The following DNM3 variants were observed in gnomAD, a reference collection of about 807,000 sequenced individuals.
DNM3 encodes dynamin 3.
Under a neutral mutation model 101.6 loss-of-function variants are expected in DNM3, and 47 were observed. The observed-to-expected ratio is 0.46, with a 90% CI of 0.37 to 0.59. DNM3 has a LOEUF of 0.59. DNM3 is among the 20% of genes least tolerant of loss of function. DNM3 has a pLI of 0.00. For missense variants in DNM3, 849 were observed against 1,085.7 expected (o/e 0.78, Z 3.06); for synonymous variants, 385 against 387.9 (o/e 0.99, Z 0.09).
At chr1:172,358,876 AAC>A (rs2067587083) in intron 17 of DNM3, among the ~76,000 whole-genome samples, 1 of 129,896 alleles carries the variant, frequency 7.7e-6, no homozygotes, top group East Asian at 2.3e-4. Flanking sequence ...TCCTGATTCT[AAC>A]ACACTGTGGA....
At chr1:172,329,337 A>T (rs2148929358) in intron 17 of DNM3, among the ~76,000 whole-genome samples, 1 of 152,296 alleles carries the variant, frequency 6.6e-6, no homozygotes, top group Non-Finnish European at 1.5e-5. Flanking sequence ...AAACCTATCT[A>T]TTTACAAGTG....
chr1:171,971,592 C>G (rs886095741), intron 2 of DNM3, among the ~76,000 whole-genome samples: 1 of 151,842 alleles, frequency 6.6e-6, no homozygotes, highest in Non-Finnish European at 1.5e-5. Context: ...AACGCCACTC[C>G]CAATTGAAAG....
intron 13 of DNM3, among the ~76,000 whole-genome samples, chr1:172,110,570 C>CAG (rs974916701): frequency 2.0e-5 from 3 of 152,164 alleles, no homozygotes; most frequent in Non-Finnish European, 4.4e-5. Flanking sequence ...AATAATGACT[C>CAG]AAACTGTGAC....
At chr1:172,281,761 A>T (rs566891721) in intron 15 of DNM3, among the ~76,000 whole-genome samples, 1 of 152,220 alleles carries the variant, frequency 6.6e-6, no homozygotes, top group East Asian at 1.9e-4. Flanking sequence ...TGGCAGTATT[A>T]TACTTGTTTC....
intron 4 of DNM3, among the ~76,000 whole-genome samples, chr1:172,023,362 G>A (rs376247986): frequency 3.3e-5 from 5 of 152,112 alleles, no homozygotes; most frequent in African/African-American, 1.2e-4. Context: ...GTGAAAGGGA[G>A]GTAAAATATT....
chr1:172,036,598 A>C (rs905632449), intron 6 of DNM3, among the ~76,000 whole-genome samples: 1 of 152,176 alleles, frequency 6.6e-6, no homozygotes, highest in African/African-American at 2.4e-5. Flanking sequence ...CCATAGGTAG[A>C]AAGCTGAAAC....
chr1:172,290,399 G>A (rs551304002), intron 15 of DNM3, among the ~76,000 whole-genome samples: 39 of 152,230 alleles, frequency 2.6e-4, no homozygotes, highest in African/African-American at 8.2e-4. Flanking sequence ...AAGGATTGGC[G>A]CCTGCAAAAT....
intron 14 of DNM3, among the ~76,000 whole-genome samples, chr1:172,134,880 T>C (rs2057130938): frequency 6.6e-6 from 1 of 152,082 alleles, no homozygotes. Flanking sequence ...AAGTCCAGTG[T>C]GACTGGAGCA....
chr1:172,158,433 G>A (rs894540397), intron 14 of DNM3, among the ~76,000 whole-genome samples: 1 of 152,022 alleles, frequency 6.6e-6, no homozygotes, highest in African/African-American at 2.4e-5. Context: ...CTGCTAGTGG[G>A]AAGAACATGA....
chr1:172,088,490 AG>A (rs1329563484), intron 12 of DNM3, among the ~76,000 whole-genome samples: 2 of 152,106 alleles, frequency 1.3e-5, no homozygotes, highest in Admixed American at 1.3e-4. Flanking sequence ...TGCTGCCTTC[AG>A]AGTAACAGCC....
chr1:172,113,133 ATT>A (rs1398454943), intron 13 of DNM3, among the ~76,000 whole-genome samples: 2 of 152,228 alleles, frequency 1.3e-5, no homozygotes, highest in East Asian at 3.8e-4. Context: ...TTAGTGAAAG[ATT>A]TGTCTTGATG....
intron 1 of DNM3, among the ~76,000 whole-genome samples, chr1:171,903,200 G>A (rs2038530162): frequency 6.6e-6 from 1 of 151,964 alleles, no homozygotes; most frequent in African/African-American, 2.4e-5. Flanking sequence ...GGTTTAATTA[G>A]GGGTGAAAAT....
intron 14 of DNM3, among the ~76,000 whole-genome samples, chr1:172,177,139 G>A (rs533800436): frequency 1.3e-5 from 2 of 151,792 alleles, no homozygotes; most frequent in South Asian, 2.1e-4. Flanking sequence ...TTTCCAGTAA[G>A]AGCCAGTTTT....
chr1:172,310,110 T>C (rs767433213), intron 16 of DNM3: 1 of 152,228 alleles, frequency 6.6e-6, no homozygotes, highest in Non-Finnish European at 1.5e-5. Flanking sequence ...GTTATATGCG[T>C]AGATATTTGC....
intron 14 of DNM3, among the ~76,000 whole-genome samples, chr1:172,196,380 G>A (rs1013838130): frequency 6.6e-6 from 1 of 151,978 alleles, no homozygotes; most frequent in Non-Finnish European, 1.5e-5. Flanking sequence ...GAGTGCATGT[G>A]TCTTTATGGT....
At chr1:172,352,092 T>C (rs1390834102) in intron 17 of DNM3, among the ~76,000 whole-genome samples, 1 of 152,210 alleles carries the variant, frequency 6.6e-6, no homozygotes, top group East Asian at 1.9e-4. Flanking sequence ...GCTGTGTGTG[T>C]AATACTGGAC....
At position 172,262,982 on chromosome 1, in the gene DNM3, G is replaced by A. The variant is rs55812305; in HGVS notation, c.1769+9300G>A. ...AGAAAAGATGTATTTCCTCTTTTGC[G>A]GGGAGGAGGCAATTGATAATTCTTT... On this transcript the variant is annotated intron_variant, in intron 15 of 20. Transcript: ENST00000627582. Among the ~76,000 whole-genome samples the A allele has an allele frequency of 6.3e-3, 956 of 152,260 alleles. 11 individuals carry two copies. Among genetic ancestry groups the A allele is most frequent in the African/African-American group, 0.022 (915 of 41,550 alleles).
At chr1:171,893,661 C>A (rs569741474) in intron 1 of DNM3, among the ~76,000 whole-genome samples, 2 of 152,202 alleles carry the variant, frequency 1.3e-5, no homozygotes, top group African/African-American at 4.8e-5. Context: ...CATTATATCA[C>A]CCAGGTTGGT....
chr1:172,096,798 A>G (rs1160240155), intron 13 of DNM3, among the ~76,000 whole-genome samples: 1 of 152,218 alleles, frequency 6.6e-6, no homozygotes, highest in African/African-American at 2.4e-5. Context: ...AGGATTTCCA[A>G]TAGGGAAGGG....
Sources: allele counts gnomAD v4.1 joint callset (sites outside exome capture counted in the v4.1 genomes callset), GRCh38; gene constraint gnomAD v4.1.1; transcripts MANE v1.5; gene names NCBI Gene and HGNC (gene_info 2026-07-23, HGNC 2026-07-21).